Variants in FBH1 observed in about 807,000 individuals in gnomAD.
FBH1 encodes the protein F-box DNA helicase 1, also known as DNA 3'-5' helicase 1.
FBH1 carries 43 observed loss-of-function variants against 115.5 expected under a neutral mutation model. The observed-to-expected ratio is 0.37, with a 90% CI of 0.29 to 0.48. The LOEUF (loss-of-function observed/expected upper bound fraction) is 0.48. Among genes scored for constraint, FBH1 ranks in the 20% least tolerant of loss-of-function variants. The pLI is 0.99. For missense variants in FBH1, 1,001 were observed against 1,337.3 expected (o/e 0.75, Z 3.92); for synonymous variants, 524 against 507.8 (o/e 1.03, Z -0.43).
At position 5,923,674 on chromosome 10, in the gene FBH1, G is replaced by A; in HGVS notation, c.2376G>A (p.Gln792=). The A allele has an allele frequency of 6.2e-7, 1 of 1,614,168 alleles. No individual in the cohort carries two copies. Residue 792 remains glutamine, a synonymous_variant, in exon 16 of 21, where the codon CAG becomes CAA. Coordinates refer to ENST00000362091, the MANE Select transcript of FBH1 (RefSeq NM_178150.3). The surrounding 1 kb of genome is among the most constrained non-coding windows in gnomAD (Gnocchi z 5.7). ...TCATTGATATTTGGATCCTTCTTCA[G>A]CCAGAGGAAGAACGGAGGAAACGTG... ...DRIIDIWILL[Q]PEEERRKQNL...
intron 19 of FBH1, among the ~76,000 whole-genome samples, chr10:5,927,865 G>T (rs528073883): frequency 1.3e-5 from 2 of 151,680 alleles, no homozygotes; most frequent in Non-Finnish European, 2.9e-5. Flanking sequence ...TGAGGCCAGG[G>T]GTTTGAGACC....
chr10:5,890,583 C>T (rs1396087037), intron 1 of FBH1, among the ~76,000 whole-genome samples: 1 of 151,032 alleles, frequency 6.6e-6, no homozygotes, highest in East Asian at 2.0e-4. Flanking sequence ...TGAACTCGGT[C>T]GGGAGCGGCC....
Position 5,900,793 on chromosome 10 carries a change from T to C in FBH1, c.2-2227T>C, listed in dbSNP as rs185811247. On this transcript the variant is annotated intron_variant, in intron 1 of 20. Transcript: ENST00000362091. This position sits in a 1 kb window ranked among gnomAD's most constrained non-coding sequence, Gnocchi z 4.2. ...CACTGGGGTCTTGGCTTTATGTATTTTCAAGCTTAAAGGAAATGTCAAGCT... is the reference window on the plus strand; with the variant it reads ...CACTGGGGTCTTGGCTTTATGTATTCTCAAGCTTAAAGGAAATGTCAAGCT... 6.4e-4 allele frequency among the ~76,000 whole-genome samples: 98 copies of C among 152,302 alleles called. No individual in the cohort carries two copies. Among genetic ancestry groups the C allele is most frequent in the African/African-American group, 2.2e-3 (93 of 41,560 alleles).
rs1831465714 is a variant in FBH1, at chr10:5,909,987, T to C, written c.1020+693T>C. 6.6e-6 allele frequency among the ~76,000 whole-genome samples: 1 copy of C among 152,084 alleles called. No homozygotes were observed. Among genetic ancestry groups the C allele is most frequent in the Non-Finnish European group, 1.5e-5 (1 of 68,012 alleles). On this transcript the variant is annotated intron_variant, in intron 5 of 20. Transcript: ENST00000362091. The surrounding 1 kb of genome is among the most constrained non-coding windows in gnomAD (Gnocchi z 4.4). ...TTTAACACAGAGACGTGTAGTAACT[T>C]AAGAATGGTAAAGGCTGGGCGTGGT...
rs1831772747 is a variant in FBH1, at chr10:5,914,023, A to G, written c.1305-155A>G. 6.6e-6 allele frequency among the ~76,000 whole-genome samples: 1 copy of G among 152,224 alleles called. No homozygotes were observed. Among genetic ancestry groups the G allele is most frequent in the African/African-American group, 2.4e-5 (1 of 41,444 alleles). On this transcript the variant is annotated intron_variant, in intron 7 of 20. Transcript: ENST00000362091. This position sits in a 1 kb window ranked among gnomAD's most constrained non-coding sequence, Gnocchi z 5.2. ...GCCTGAGCTGTGCATCAGCATCATA[A>G]TCTAGCTTTAGAACATGTTTATTCT... is the stretch of plus-strand genomic sequence containing the variant.
rs748530611 is a variant in FBH1 at position 5,913,697 on chromosome 10, G to C, written c.1212-50G>C. ...TCCATCTGAGGAAAAATAAGATGCA[G>C]ATTGTGACTTGAATTTGAGACTTTC... On this transcript the variant is annotated intron_variant, in intron 6 of 20. Coordinates refer to ENST00000362091, the MANE Select transcript of FBH1 (RefSeq NM_178150.3). This position sits in a 1 kb window ranked among gnomAD's most constrained non-coding sequence, Gnocchi z 4.4. 1.1e-5 allele frequency: 14 copies of C among 1,316,426 alleles called. No homozygotes were observed. The South Asian group carries it at 2.0e-4, about 19-fold the overall frequency. The allele number at this position is 1,316,426 out of a possible 1,614,324, so 81.5% of individuals were successfully genotyped here.
rs1391472651 is a variant in FBH1 at position 5,895,064 on chromosome 10, T to C, written c.1+4718T>C. The C allele has an allele frequency of 6.2e-7, 1 of 1,612,486 alleles. No individual in the cohort carries two copies. Among genetic ancestry groups the C allele is most frequent in the Non-Finnish European group, 8.5e-7 (1 of 1,178,980 alleles). On this transcript the variant is annotated intron_variant, in intron 1 of 20. Transcript: ENST00000362091. The surrounding 1 kb of genome is among the most constrained non-coding windows in gnomAD (Gnocchi z 5.0). Reference sequence around the variant, plus strand: ...CCATTCCCGTTTCACAGGCTGCCATTGGACCTGTCAAGTGCCTGAGTCATG... The same window carrying C: ...CCATTCCCGTTTCACAGGCTGCCATCGGACCTGTCAAGTGCCTGAGTCATG...
At chr10:5,901,394 G>A (rs964090945) in intron 1 of FBH1, among the ~76,000 whole-genome samples, 88 of 151,978 alleles carry the variant, frequency 5.8e-4, no homozygotes, top group African/African-American at 1.9e-3. Flanking sequence ...CTGACCTCAG[G>A]TGATCCACCC....
chr10:5,903,388 T>A (rs1843484971), intron 2 of FBH1, among the ~76,000 whole-genome samples: 1 of 150,758 alleles, frequency 6.6e-6, no homozygotes, highest in Non-Finnish European at 1.5e-5. Context: ...TGGAGTGCAA[T>A]GGCGCAATCT....
chr10:5,904,702 AAAT>A (rs1843589903), intron 2 of FBH1, among the ~76,000 whole-genome samples: 1 of 152,150 alleles, frequency 6.6e-6, no homozygotes, highest in Non-Finnish European at 1.5e-5. Flanking sequence ...CTCTATTTTA[AAAT>A]AATAATAATA....
In FBH1 at chr10:5,915,627, G is replaced by A; in HGVS notation, c.1565+56G>A. 1.3e-6 allele frequency: 2 copies of A among 1,540,310 alleles called. No individual in the cohort carries two copies. The highest frequency in any genetic ancestry group is 1.8e-6 in the Non-Finnish European group (2 of 1,123,932). On this transcript the variant is annotated intron_variant, in intron 9 of 20. Transcript: ENST00000362091. This position sits in a 1 kb window ranked among gnomAD's most constrained non-coding sequence, Gnocchi z 5.2. Reference sequence around the variant, plus strand: ...GCTGCTGGCACGGTCGCGTCTTACTGTTTTCCCGTGACGATCACATGTGAG... The same window carrying A: ...GCTGCTGGCACGGTCGCGTCTTACTATTTTCCCGTGACGATCACATGTGAG...
rs988671169 is a variant in FBH1, at chr10:5,900,128, A to G, written c.2-2892A>G. Among the ~76,000 whole-genome samples the G allele has an allele frequency of 1.3e-5, 2 of 152,358 alleles. No homozygotes were observed. Among genetic ancestry groups the G allele is most frequent in the African/African-American group, 2.4e-5 (1 of 41,576 alleles). On this transcript the variant is annotated intron_variant, in intron 1 of 20. Coordinates refer to ENST00000362091, the MANE Select transcript of FBH1 (RefSeq NM_178150.3). The surrounding 1 kb of genome is among the most constrained non-coding windows in gnomAD (Gnocchi z 4.2). The stretch of plus-strand genomic sequence containing the variant: ...CAGAATTGGCTGTATTTGGGCTGCT[A>G]ATACACTTCCTGCTTTGCCATTAGG...
rs1005059525 is a variant in FBH1, at chr10:5,918,666, C to T, written c.2100+188C>T. 3.9e-5 allele frequency among the ~76,000 whole-genome samples: 6 copies of T among 152,188 alleles called. No homozygotes were observed. Among genetic ancestry groups the T allele is most frequent in the African/African-American group, 1.4e-4 (6 of 41,452 alleles). ...GTTTTCATAAGAGGTGTGTGCACAG[C>T]GGTCGTCTGAGGAAGAGCTGCTGCG... On this transcript the variant is annotated intron_variant, in intron 13 of 20. Transcript: ENST00000362091. The surrounding 1 kb of genome is among the most constrained non-coding windows in gnomAD (Gnocchi z 4.0).
At position 5,914,347 on chromosome 10, in the gene FBH1, A is replaced by G; in HGVS notation, c.1396+78A>G. Reference sequence around the variant, plus strand: ...CTACATCCCCTTCCCGCTACCTGCCAGGGCATCTTTGCTCTGATCTGTCAT... The same window carrying G: ...CTACATCCCCTTCCCGCTACCTGCCGGGGCATCTTTGCTCTGATCTGTCAT... On this transcript the variant is annotated intron_variant, in intron 8 of 20. Coordinates refer to ENST00000362091, the MANE Select transcript of FBH1 (RefSeq NM_178150.3). This position sits in a 1 kb window ranked among gnomAD's most constrained non-coding sequence, Gnocchi z 5.2. 3 of 1,198,168 alleles carry G rather than the reference A, an allele frequency of 2.5e-6. No individual in the cohort carries two copies. Among genetic ancestry groups the G allele is most frequent in the Non-Finnish European group, 3.7e-6 (3 of 803,142 alleles). 74.2% of individuals were successfully genotyped at this position (1,198,168 alleles called of 1,614,324 possible).
chr10:5,906,694 C>T lies in FBH1; in HGVS notation c.753+62C>T, dbSNP rs41290311. ...AAAGCACGTAACTTTGCTTAATGCA[C>T]GCTTATAATCAGAGGATCTTTTCAG... is the stretch of plus-strand genomic sequence containing the variant. On this transcript the variant is annotated intron_variant, in intron 3 of 20. Transcript: ENST00000362091. This position sits in a 1 kb window ranked among gnomAD's most constrained non-coding sequence, Gnocchi z 7.3. 52,120 of 1,297,764 alleles carry T rather than the reference C, an allele frequency of 0.04. 1,484 individuals are homozygous for T. The highest frequency in any genetic ancestry group is 0.11 in the East Asian group (4,758 of 43,056). The allele number at this position is 1,297,764 out of a possible 1,614,324, so 80.4% of individuals were successfully genotyped here.
At position 5,933,530 on chromosome 10, in the gene FBH1, G is replaced by C. The variant is rs792347; in HGVS notation, c.2830-2926G>C. ...ATACTTCCCCATTACTGAGACTGGG[G>C]TGGGCTGTCTGCCCTCAGGGGTCCT... On this transcript the variant is annotated intron_variant, in intron 19 of 20. Coordinates refer to ENST00000362091, the MANE Select transcript of FBH1 (RefSeq NM_178150.3). This position sits in a 1 kb window ranked among gnomAD's most constrained non-coding sequence, Gnocchi z 4.9. 0.85 allele frequency among the ~76,000 whole-genome samples: 129,952 copies of C among 152,300 alleles called. 55,536 individuals carry two copies. Among genetic ancestry groups the C allele is most frequent in the Admixed American group, 0.88 (13,524 of 15,306 alleles).
rs1564455960 is a variant in FBH1 at position 5,921,637 on chromosome 10, T to C, written c.2322+68T>C. The C allele has an allele frequency of 6.4e-7, 1 of 1,564,902 alleles. No homozygotes were observed. Among genetic ancestry groups the C allele is most frequent in the East Asian group, 2.3e-5 (1 of 43,470 alleles). On this transcript the variant is annotated intron_variant, in intron 15 of 20. Transcript: ENST00000362091. This position sits in a 1 kb window ranked among gnomAD's most constrained non-coding sequence, Gnocchi z 6.4. ...TGTAGACGAACATACCCAATGGAAA[T>C]GTTCACCTTCCTTGGGATTATCATG...
rs1274059114 is a variant in FBH1, at chr10:5,931,084, C to T, written c.2829+3543C>T. 1.3e-5 allele frequency among the ~76,000 whole-genome samples: 2 copies of T among 152,120 alleles called. No homozygotes were observed. Among genetic ancestry groups the T allele is most frequent in the African/African-American group, 2.4e-5 (1 of 41,420 alleles). The stretch of plus-strand genomic sequence containing the variant: ...TTCAACATTTTGTTGTTAAATATAA[C>T]ACAAGTATATAAAACAGCATATAGC... On this transcript the variant is annotated intron_variant, in intron 19 of 20. Transcript: ENST00000362091. This position sits in a 1 kb window ranked among gnomAD's most constrained non-coding sequence, Gnocchi z 4.3.
At position 5,924,244 on chromosome 10, in the gene FBH1, T is replaced by C; in HGVS notation, c.2399-67T>C. ...GCTCTTGCGCAGCTGCTTAGGAACG[T>C]GCAGCACCTGCCACCATCTGTTAGT... is the stretch of plus-strand genomic sequence containing the variant. On this transcript the variant is annotated intron_variant, in intron 16 of 20. Transcript: ENST00000362091. The surrounding 1 kb of genome is among the most constrained non-coding windows in gnomAD (Gnocchi z 6.2). The C allele has an allele frequency of 6.5e-7, 1 of 1,530,842 alleles. No homozygotes were observed. The allele number at this position is 1,530,842 out of a possible 1,614,324, so 94.8% of individuals were successfully genotyped here. A position where few individuals can be genotyped will look rare whatever the true frequency, so the allele number is the denominator to read the frequency against.
Sources: gnomAD v4.1 joint callset for allele counts (sites outside exome capture counted in the v4.1 genomes callset) on GRCh38, gnomAD v4.1.1 for gene constraint, Gnocchi (gnomAD v3.1) non-coding constraint, MANE v1.5 for transcripts, NCBI Gene and HGNC (gene_info 2026-07-23, HGNC 2026-07-21) for gene names.